The following PDE4B variants were observed in gnomAD, a reference collection of about 807,000 sequenced individuals.
The protein encoded by PDE4B is 3',5'-cyclic-AMP phosphodiesterase 4B.
A neutral mutation model predicts 82.2 loss-of-function variants in PDE4B; 20 were observed. That is an observed-to-expected ratio of 0.24 (90% CI 0.17 to 0.35). The LOEUF is 0.35. Ranked by LOEUF, PDE4B falls within the 10% of genes least tolerant of loss-of-function variation. The pLI, the probability that PDE4B is intolerant of heterozygous loss-of-function variation, is 1.00. For missense variants in PDE4B, 655 were observed against 907.2 expected (o/e 0.72, Z 3.57); for synonymous variants, 320 against 318.9 (o/e 1.00, Z -0.04).
chr1:66,053,806 C>G (rs1360481589), intron 3 of PDE4B, among the ~76,000 whole-genome samples: 2 of 152,134 alleles, frequency 1.3e-5, no homozygotes, highest in East Asian at 3.8e-4. Flanking sequence ...TAACAGTGAG[C>G]TGAGATCGTG....
intron 7 of PDE4B, among the ~76,000 whole-genome samples, chr1:66,322,828 G>T (rs997597360): frequency 2.0e-5 from 3 of 151,878 alleles, no homozygotes; most frequent in East Asian, 3.9e-4. Context: ...TATGTGTTTT[G>T]GTATGGTTTA....
At chr1:66,310,239 T>A (rs1172879115) in intron 7 of PDE4B, among the ~76,000 whole-genome samples, 1 of 152,204 alleles carries the variant, frequency 6.6e-6, no homozygotes, top group Non-Finnish European at 1.5e-5. Flanking sequence ...CACCCACATT[T>A]CATAGCAGAA....
At chr1:66,306,716 T>C (rs1658303979) in intron 7 of PDE4B, among the ~76,000 whole-genome samples, 1 of 152,116 alleles carries the variant, frequency 6.6e-6, no homozygotes, top group Non-Finnish European at 1.5e-5. Flanking sequence ...TTGTTTCATG[T>C]AGAAGAAAAT....
At chr1:66,165,313 TAA>T (rs1243611203) in intron 3 of PDE4B, among the ~76,000 whole-genome samples, 4 of 152,170 alleles carry the variant, frequency 2.6e-5, no homozygotes, top group African/African-American at 9.7e-5. Context: ...TAGAATTTGA[TAA>T]GAGATGCAAA....
intron 3 of PDE4B, among the ~76,000 whole-genome samples, chr1:66,081,263 G>A (rs1389410227): frequency 6.6e-6 from 1 of 152,036 alleles, no homozygotes; most frequent in African/African-American, 2.4e-5. Context: ...TACTGCATAT[G>A]TCTCTTCTGT....
At position 65,841,521 on chromosome 1, in the gene PDE4B, T is replaced by C. The variant is rs1324689666; in HGVS notation, c.-71+48273T>C. ...CTACTGTCCTCAAACTAGGGATTTC[T>C]CCATCTTTAACATGAGGGCCAAAAA... On this transcript the variant is annotated intron_variant, in intron 1 of 16. Transcript: ENST00000341517. Among the ~76,000 whole-genome samples, 3 of 152,130 alleles carry C rather than the reference T, an allele frequency of 2.0e-5. No homozygotes were observed. In the East Asian group the frequency reaches 5.8e-4, roughly 29 times the overall value.
chr1:65,896,786 T>C (rs964246507), intron 1 of PDE4B, among the ~76,000 whole-genome samples: 15 of 152,328 alleles, frequency 9.8e-5, no homozygotes, highest in Admixed American at 9.2e-4. Context: ...GTGGTGATTG[T>C]AATGTTTACC....
chr1:66,361,521 T>C, intron 9 of PDE4B, 94 bp from the exon 10 acceptor site: 1 of 928,522 alleles, frequency 1.1e-6, no homozygotes, highest in Admixed American at 2.3e-5. Context: ...TATAAGATTC[T>C]AAAGCTGTTA....
intron 3 of PDE4B, among the ~76,000 whole-genome samples, chr1:66,043,132 C>T (rs1044783171): frequency 6.6e-6 from 1 of 151,690 alleles, no homozygotes; most frequent in African/African-American, 2.4e-5. Flanking sequence ...ATAGTGCCTA[C>T]TGAGTGCTTT....
intron 1 of PDE4B, among the ~76,000 whole-genome samples, chr1:65,809,555 A>G (rs560305190): frequency 6.6e-6 from 1 of 152,212 alleles, no homozygotes; most frequent in African/African-American, 2.4e-5. Context: ...ATATTGAAAT[A>G]TTAGCATAAA....
At chr1:66,123,179 C>CT (rs1440857302) in intron 3 of PDE4B, among the ~76,000 whole-genome samples, 2 of 151,956 alleles carry the variant, frequency 1.3e-5, no homozygotes, top group Non-Finnish European at 2.9e-5. Flanking sequence ...ATTTTGATTC[C>CT]TTTTTTTGAA....
At chr1:65,882,817 A>G (rs533558602) in intron 1 of PDE4B, among the ~76,000 whole-genome samples, 4 of 152,306 alleles carry the variant, frequency 2.6e-5, no homozygotes, top group African/African-American at 9.6e-5. Context: ...TAAAGATTAA[A>G]AAAGCAATTT....
At chr1:66,325,718 G>A (rs993593751) in intron 7 of PDE4B, among the ~76,000 whole-genome samples, 1 of 152,218 alleles carries the variant, frequency 6.6e-6, no homozygotes, top group African/African-American at 2.4e-5. Context: ...CTTTCCCAGG[G>A]CCAAATCAAA....
chr1:65,979,820 A>G (rs1297934898), intron 3 of PDE4B, among the ~76,000 whole-genome samples: 1 of 152,184 alleles, frequency 6.6e-6, no homozygotes, highest in Non-Finnish European at 1.5e-5. Context: ...TAAATGAAAC[A>G]CCAAAGGTCT....
At chr1:65,916,457 G>A (rs1647161026) in intron 2 of PDE4B, among the ~76,000 whole-genome samples, 1 of 152,076 alleles carries the variant, frequency 6.6e-6, no homozygotes, top group Admixed American at 6.5e-5. Flanking sequence ...GGTTAGGGTG[G>A]TTGGCGGTTT....
rs556770203 is a variant in PDE4B at position 66,151,112 on chromosome 1, G to A, written c.282-96348G>A. 1.2e-3 allele frequency among the ~76,000 whole-genome samples: 180 copies of A among 152,188 alleles called. 1 individual carries two copies. The highest frequency in any genetic ancestry group is 2.2e-3 in the Non-Finnish European group (151 of 67,992). On this transcript the variant is annotated intron_variant, in intron 3 of 16. Transcript: ENST00000341517. ...GAAAAAATAGATTTTATAAGGATTTGCGTTACTTCTTTAAATGTTGGATAT... is the reference window on the plus strand; with the variant it reads ...GAAAAAATAGATTTTATAAGGATTTACGTTACTTCTTTAAATGTTGGATAT...
intron 1 of PDE4B, among the ~76,000 whole-genome samples, chr1:65,906,367 G>A (rs1647028097): frequency 6.6e-6 from 1 of 152,066 alleles, no homozygotes; most frequent in African/African-American, 2.4e-5. Flanking sequence ...TGTGGAGAGA[G>A]CTTGCAATAC....
chr1:66,210,861 A>G (rs1019767083), intron 3 of PDE4B, among the ~76,000 whole-genome samples: 1 of 152,148 alleles, frequency 6.6e-6, no homozygotes, highest in African/African-American at 2.4e-5. Flanking sequence ...TCATAAGACC[A>G]TATTAGTTAT....
intron 6 of PDE4B, among the ~76,000 whole-genome samples, chr1:66,265,483 T>C (rs1247253062): frequency 6.6e-6 from 1 of 152,138 alleles, no homozygotes; most frequent in Non-Finnish European, 1.5e-5. Context: ...TAGAATGACG[T>C]CCCAGTTCCT....
Sources: allele counts gnomAD v4.1 joint callset (sites outside exome capture counted in the v4.1 genomes callset), GRCh38; gene constraint gnomAD v4.1.1; transcripts MANE v1.5; gene names NCBI Gene and HGNC (gene_info 2026-07-23, HGNC 2026-07-21).